The following MBD2 variants were observed in gnomAD, a reference collection of about 807,000 sequenced individuals.
MBD2 encodes methyl-CpG-binding domain protein 2.
MBD2 carries 9 observed loss-of-function variants against 39.3 expected under a neutral mutation model. The ratio of observed to expected loss-of-function variants is 0.23; its 90% CI spans 0.14 to 0.40. The LOEUF (loss-of-function observed/expected upper bound fraction) is 0.40, where lower values mean the gene tolerates loss of function less well. MBD2 is among the 10% of genes least tolerant of loss of function. MBD2 has a pLI of 1.00. For synonymous variants in MBD2, 233 were observed against 211.1 expected, an observed-to-expected ratio of 1.10 and a Z score of -0.90; for missense variants, 458 against 532.6, an observed-to-expected ratio of 0.86 and a Z score of 1.38.
rs2086244052 is a variant in MBD2, at chr18:54,180,657, A to G, written c.840+8217T>C. On this transcript the variant is annotated intron_variant, in intron 3 of 6. Coordinates refer to ENST00000256429, the MANE Select transcript of MBD2 (RefSeq NM_003927.5). ...ATTATAAAGAGATATGATAAGAATT[A>G]AGAATAAATGTTTCTGGCAGAGACT... Among the ~76,000 whole-genome samples the G allele has an allele frequency of 2.0e-5, 3 of 152,156 alleles. No individual in the cohort carries two copies. The South Asian group carries it at 6.2e-4, about 32-fold the overall frequency.
At position 54,154,067 on chromosome 18, in the gene MBD2, T is replaced by G. The variant is rs1236445861; in HGVS notation, c.*1257A>C. On this transcript the variant is annotated 3_prime_UTR_variant, in exon 7 of 7. Transcript: ENST00000256429. ...CTGACTGCATCATTTAGGTTCTAAT[T>G]TTAAAAGAACTCAAGAGTTAAGAAA... 6.6e-6 allele frequency: 1 copy of G among 152,174 alleles called. No individual in the cohort carries two copies. The highest frequency in any genetic ancestry group is 1.5e-5 in the Non-Finnish European group (1 of 68,036). The allele number at this position is 152,174 out of a possible 1,614,324, so 9.4% of individuals were successfully genotyped here. A position where few individuals can be genotyped will look rare whatever the true frequency, so the allele number is the denominator to read the frequency against.
chr18:54,162,503 C>A (rs147917058), intron 5 of MBD2, among the ~76,000 whole-genome samples: 3 of 152,138 alleles, frequency 2.0e-5, no homozygotes, highest in African/African-American at 4.8e-5. Context: ...ATTTGTTAGA[C>A]AAATTTACCC....
intron 3 of MBD2, among the ~76,000 whole-genome samples, chr18:54,169,971 A>G (rs1299535615): frequency 6.6e-6 from 1 of 152,186 alleles, no homozygotes; most frequent in East Asian, 1.9e-4. Context: ...TCACCTTATA[A>G]CACTAATGGT....
intron 1 of MBD2, among the ~76,000 whole-genome samples, chr18:54,216,312 G>A (rs2086561123): frequency 6.6e-6 from 1 of 152,194 alleles, no homozygotes; most frequent in South Asian, 2.1e-4. Flanking sequence ...GCAGGATGCT[G>A]GTAACTGCAG....
At chr18:54,176,946 C>CA (rs1243135480) in intron 3 of MBD2, among the ~76,000 whole-genome samples, 1 of 152,156 alleles carries the variant, frequency 6.6e-6, no homozygotes, top group African/African-American at 2.4e-5. Context: ...CTGATGAAGA[C>CA]AGAGGTGCAG....
At chr18:54,180,407 G>A (rs182590360) in intron 3 of MBD2, among the ~76,000 whole-genome samples, 39 of 152,210 alleles carry the variant, frequency 2.6e-4, no homozygotes, top group Non-Finnish European at 4.3e-4. Flanking sequence ...TGACAGAAAG[G>A]AGTGGCAGGG....
intron 3 of MBD2, among the ~76,000 whole-genome samples, chr18:54,171,646 T>C (rs1274610029): frequency 6.6e-6 from 1 of 152,186 alleles, no homozygotes; most frequent in Non-Finnish European, 1.5e-5. Flanking sequence ...CAATGTTCTG[T>C]CTTACCCAGT....
At chr18:54,184,008 C>T (rs2086267279) in intron 3 of MBD2, among the ~76,000 whole-genome samples, 1 of 152,068 alleles carries the variant, frequency 6.6e-6, no homozygotes, top group Non-Finnish European at 1.5e-5. Flanking sequence ...GTTAAAAAAG[C>T]TCTAAATGTT....
chr18:54,186,039 G>C (rs1393409799), intron 3 of MBD2, among the ~76,000 whole-genome samples: 1 of 151,968 alleles, frequency 6.6e-6, no homozygotes, highest in African/African-American at 2.4e-5. Context: ...TAGGATGTTG[G>C]TTATAAAAGA....
At chr18:54,200,040 T>C (rs1423559081) in intron 2 of MBD2, among the ~76,000 whole-genome samples, 2 of 152,212 alleles carry the variant, frequency 1.3e-5, no homozygotes, top group African/African-American at 4.8e-5. Flanking sequence ...TCCAAGTGTG[T>C]ATTTATACTC....
chr18:54,182,011 C>T (rs949013815), intron 3 of MBD2, among the ~76,000 whole-genome samples: 3 of 152,250 alleles, frequency 2.0e-5, no homozygotes, highest in Middle Eastern at 3.4e-3. Context: ...CTTAACACAA[C>T]ATGATACATT....
intron 5 of MBD2, among the ~76,000 whole-genome samples, chr18:54,161,960 C>T (rs2086101551): frequency 6.6e-6 from 1 of 152,120 alleles, no homozygotes; most frequent in Admixed American, 6.6e-5. Flanking sequence ...TAAAGGGGCA[C>T]ACGGAGGAGC....
At chr18:54,206,734 AG>A (rs35824179) in intron 1 of MBD2, among the ~76,000 whole-genome samples, 5,787 of 152,108 alleles carry the variant, frequency 0.038, 352 homozygotes, top group African/African-American at 0.13. Context: ...AGAGTTCAGC[AG>A]GCAGATGAAA....
chr18:54,186,859 G>T (rs755359635), intron 3 of MBD2, among the ~76,000 whole-genome samples: 1 of 152,194 alleles, frequency 6.6e-6, no homozygotes, highest in South Asian at 2.1e-4. Context: ...TTGAAATGAC[G>T]TAAGTTTTTT....
At chr18:54,207,396 C>A (rs1023828720) in intron 1 of MBD2, among the ~76,000 whole-genome samples, 10 of 152,300 alleles carry the variant, frequency 6.6e-5, no homozygotes, top group African/African-American at 2.4e-4. Flanking sequence ...TACTACCACT[C>A]GAAATTCTAT....
At chr18:54,171,442 T>C (rs140374548) in intron 3 of MBD2, among the ~76,000 whole-genome samples, 1 of 151,812 alleles carries the variant, frequency 6.6e-6, no homozygotes, top group African/African-American at 2.4e-5. Context: ...ACCACCAAGA[T>C]CTCCAAGTAT....
At chr18:54,159,695 G>T in intron 6 of MBD2, 70 bp downstream of exon 6, 1 of 1,545,816 alleles carries the variant, frequency 6.5e-7, no homozygotes, top group Non-Finnish European at 8.8e-7. Flanking sequence ...GGGATTACAG[G>T]CAGAAGCACT....
In MBD2 at chr18:54,170,918, T is replaced by G. The variant is rs370176401; in HGVS notation, c.841-4752A>C. On this transcript the variant is annotated intron_variant, in intron 3 of 6. Coordinates refer to ENST00000256429, the MANE Select transcript of MBD2 (RefSeq NM_003927.5). ...AGGTAACAGAGTGCAGGTCAGTGTT[T>G]CTAAAGATCTTATAAAGAACAATAA... 5.2e-4 allele frequency among the ~76,000 whole-genome samples: 79 copies of G among 152,366 alleles called. 1 individual carries two copies. The South Asian group carries it at 0.013, about 26-fold the overall frequency.
intron 2 of MBD2, chr18:54,203,031 CA>C: frequency 7.9e-7 from 1 of 1,264,554 alleles, no homozygotes; most frequent in African/African-American, 1.5e-5. Context: ...CCAAGCAGAG[CA>C]AACAGCGTAT....
Sources: allele counts gnomAD v4.1 joint callset (sites outside exome capture counted in the v4.1 genomes callset), GRCh38; gene constraint gnomAD v4.1.1; transcripts MANE v1.5; gene names NCBI Gene and HGNC (gene_info 2026-07-23, HGNC 2026-07-21).